DNAI7: variants seen among roughly 807,000 people sequenced by gnomAD.
DNAI7 encodes dynein axonemal intermediate chain 7, also known as cancer susceptibility 1.
Under a neutral mutation model 86.6 loss-of-function variants are expected in DNAI7, and 78 were observed. That is an observed-to-expected ratio of 0.90 (90% confidence interval 0.75 to 1.09). The LOEUF (loss-of-function observed/expected upper bound fraction) is 1.09, where lower values mean the gene tolerates loss of function less well. Ranked by LOEUF, DNAI7 falls within the 50% of genes least tolerant of loss-of-function variation. DNAI7 has a pLI of 0.00. For synonymous variants in DNAI7, 274 were observed against 273.0 expected (o/e 1.00, Z -0.04); for missense variants, 753 against 810.2 (o/e 0.93, Z 0.86).
chr12:25,108,859 A>C, intron 15 of DNAI7, 36 bp from the exon 16 acceptor site: 1 of 1,075,346 alleles, frequency 9.3e-7, no homozygotes, highest in Non-Finnish European at 1.3e-6. Context: ...GTTGTTAATA[A>C]TTCCTCTTCT....
intron 2 of DNAI7, among the ~76,000 whole-genome samples, chr12:25,180,968 G>A (rs973783336): frequency 6.6e-6 from 1 of 151,978 alleles, no homozygotes; most frequent in Non-Finnish European, 1.5e-5. Flanking sequence ...CACCACGATC[G>A]GCTAATTTTT....
At chr12:25,146,178 C>T (rs1343778452) in intron 8 of DNAI7, among the ~76,000 whole-genome samples, 3 of 150,816 alleles carry the variant, frequency 2.0e-5, no homozygotes, top group Admixed American at 6.6e-5. Flanking sequence ...GCCGAGATTG[C>T]GCCCTTGCAC....
chr12:25,112,894 G>A (rs1939240990), intron 13 of DNAI7, among the ~76,000 whole-genome samples: 1 of 152,152 alleles, frequency 6.6e-6, no homozygotes, highest in Non-Finnish European at 1.5e-5. Flanking sequence ...ACATGCAGTA[G>A]CTATATACGG....
chr12:25,183,215 C>T (rs2141305410), intron 2 of DNAI7, among the ~76,000 whole-genome samples: 1 of 151,932 alleles, frequency 6.6e-6, no homozygotes. Flanking sequence ...AAACAATAGA[C>T]ACTGGGGACT....
chr12:25,188,512 A>C (rs1950230888), intron 2 of DNAI7, among the ~76,000 whole-genome samples: 1 of 152,142 alleles, frequency 6.6e-6, no homozygotes, highest in South Asian at 2.1e-4. Flanking sequence ...CTACACTGTA[A>C]ATTCCCTTTA....
At chr12:25,107,066 G>C (rs776474695), downstream of DNAI7, 81 of 1,409,000 alleles carry the variant, frequency 5.7e-5, no homozygotes, top group Non-Finnish European at 7.9e-5. Flanking sequence ...TTATCTACTT[G>C]ATAAATTCTA....
downstream of DNAI7, chr12:25,107,117 G>C (rs1949218971): frequency 2.6e-6 from 2 of 757,722 alleles, no homozygotes; most frequent in African/African-American, 1.8e-5. Context: ...AGGGCTGACA[G>C]TATTAATCCT....
intron 9 of DNAI7, among the ~76,000 whole-genome samples, chr12:25,132,620 A>C (rs1180009938): frequency 1.3e-5 from 2 of 150,276 alleles, no homozygotes; most frequent in Non-Finnish European, 2.9e-5. Context: ...AATTACTATA[A>C]GTTAAATCAC....
intron 9 of DNAI7, among the ~76,000 whole-genome samples, chr12:25,130,357 G>A (rs1942737559): frequency 1.3e-5 from 2 of 151,270 alleles, no homozygotes; most frequent in South Asian, 4.2e-4. Flanking sequence ...CTAACACGGT[G>A]AAACCCCGTC....
At chr12:25,151,348 T>C (rs891395857) in intron 6 of DNAI7, among the ~76,000 whole-genome samples, 1 of 152,226 alleles carries the variant, frequency 6.6e-6, no homozygotes, top group African/African-American at 2.4e-5. Context: ...TTTGAAAATT[T>C]GGAAATTGGT....
At chr12:25,109,993 TA>T in intron 15 of DNAI7, 133 bp downstream of exon 15, 1 of 594,174 alleles carries the variant, frequency 1.7e-6, no homozygotes, top group East Asian at 2.9e-5. Context: ...TTTGAAATTT[TA>T]AAATTCCGTA....
At chr12:25,170,501 A>T (rs1198380924) in intron 2 of DNAI7, among the ~76,000 whole-genome samples, 1 of 152,240 alleles carries the variant, frequency 6.6e-6, no homozygotes, top group Non-Finnish European at 1.5e-5. Flanking sequence ...AGATCTAAGA[A>T]ACAAGACAGA....
At chr12:25,121,294 C>T (rs1941255549) in intron 11 of DNAI7, among the ~76,000 whole-genome samples, 1 of 152,196 alleles carries the variant, frequency 6.6e-6, no homozygotes, top group Non-Finnish European at 1.5e-5. Context: ...CCACTCACCA[C>T]CAATTTTTGT....
At chr12:25,123,424 C>A in intron 9 of DNAI7, 138 bp from the exon 10 acceptor site, 1 of 321,630 alleles carries the variant, frequency 3.1e-6, no homozygotes, top group Non-Finnish European at 5.6e-6. Context: ...ACTTGCTCTA[C>A]CATAAAACTG....
downstream of DNAI7, chr12:25,108,078 ATATGGATCTTGATTTT>A (rs775050360): frequency 1.2e-6 from 2 of 1,605,286 alleles, no homozygotes; most frequent in African/African-American, 2.7e-5. Flanking sequence ...ACATCCTAAT[ATATGGATCTTGATTTT>A]TAAGTTTCAG....
intron 9 of DNAI7, among the ~76,000 whole-genome samples, chr12:25,124,811 T>C (rs1204066056): frequency 1.3e-5 from 2 of 152,122 alleles, no homozygotes; most frequent in Non-Finnish European, 2.9e-5. Context: ...TCTGCCATTC[T>C]CTTCTTTGTG....
At chr12:25,144,275 T>G in intron 9 of DNAI7, 90 bp downstream of exon 9, 2 of 1,109,164 alleles carry the variant, frequency 1.8e-6, no homozygotes, top group South Asian at 1.6e-5. Context: ...AATTTCCAGT[T>G]GTTTAGGAAA....
intron 2 of DNAI7, among the ~76,000 whole-genome samples, chr12:25,172,492 G>C (rs1406155562): frequency 2.6e-5 from 4 of 152,072 alleles, no homozygotes; most frequent in African/African-American, 9.7e-5. Flanking sequence ...GTTCATGGAT[G>C]GGTAGAATCA....
chr12:25,161,096 C>T lies in DNAI7; in HGVS notation c.106+17G>A. The T allele has an allele frequency of 6.5e-7, 1 of 1,529,760 alleles. No homozygotes were observed. The highest frequency in any genetic ancestry group is 9.1e-7 in the Non-Finnish European group (1 of 1,103,204). 94.8% of individuals were successfully genotyped at this position (1,529,760 alleles called of 1,614,324 possible). A position where few individuals can be genotyped will look rare whatever the true frequency, so the allele number is the denominator to read the frequency against. ...TATTACCTGTATAGGTAAATAGTAT[C>T]ACTATTTATTTTGTACCTTCCTCTT... On this transcript the variant is annotated intron_variant, in intron 3 of 15. Transcript: ENST00000395987.
Sources: allele counts gnomAD v4.1 joint callset (sites outside exome capture counted in the v4.1 genomes callset), GRCh38; gene constraint gnomAD v4.1.1; transcripts MANE v1.5; gene names NCBI Gene and HGNC (gene_info 2026-07-23, HGNC 2026-07-21).